The following CNTN4 variants were observed in gnomAD, a reference collection of about 807,000 sequenced individuals.
CNTN4 encodes contactin 4.
In CNTN4, 77 loss-of-function variants were observed where a neutral mutation model predicts 122.5. The observed-to-expected ratio is 0.63, with a 90% CI of 0.52 to 0.76. The LOEUF is 0.76. CNTN4 is among the 30% of genes least tolerant of loss of function. CNTN4 has a pLI of 0.00. For synonymous variants in CNTN4, 512 were observed against 447.0 expected, an observed-to-expected ratio of 1.15 and a Z score of -1.83; for missense variants, 1,256 against 1,259.1, an observed-to-expected ratio of 1.00 and a Z score of 0.04.
At chr3:2,765,152 A>G (rs561133150) in intron 6 of CNTN4, among the ~76,000 whole-genome samples, 1 of 152,354 alleles carries the variant, frequency 6.6e-6, no homozygotes, top group South Asian at 2.1e-4. Flanking sequence ...ACTTGCATCC[A>G]TAGGTGAAAA....
intron 7 of CNTN4, among the ~76,000 whole-genome samples, chr3:2,830,247 A>G (rs1292818197): frequency 1.3e-5 from 2 of 151,152 alleles, no homozygotes; most frequent in African/African-American, 2.5e-5. Context: ...TTGTGGATAC[A>G]CAGATTTCAA....
chr3:2,414,004 C>T (rs1017635264), intron 3 of CNTN4, among the ~76,000 whole-genome samples: 5 of 152,154 alleles, frequency 3.3e-5, no homozygotes, highest in Admixed American at 6.5e-5. Flanking sequence ...TGGTGCCATT[C>T]GTTGAATACC....
chr3:2,621,213 A>G (rs1052655130), intron 4 of CNTN4, among the ~76,000 whole-genome samples: 7 of 152,192 alleles, frequency 4.6e-5, no homozygotes, highest in Admixed American at 1.3e-4. Flanking sequence ...TGTATATGAA[A>G]GTATAACATG....
intron 13 of CNTN4, among the ~76,000 whole-genome samples, chr3:2,944,929 G>A (rs2151539089): frequency 6.6e-6 from 1 of 152,328 alleles, no homozygotes; most frequent in Admixed American, 6.5e-5. Context: ...CTGGAGCTCA[G>A]ATAGCCCTTC....
chr3:3,043,617 C>G lies in CNTN4; in HGVS notation c.2724C>G (p.Ile908Met). ...KPPPSQPPGN[I>M]IWNSSDSKII... is the part of the protein sequence containing the mutation. ...CACCAAGTCAACCCCCCGGAAACAT[C>G]ATATGGAATTCATCAGACTCCAAAA... Residue 908 changes from isoleucine to methionine, a missense_variant, in exon 23 of 25, where the codon ATC (isoleucine) becomes ATG (methionine). Physicochemically the swap from Ile to Met is conservative, Grantham distance 10. Transcript: ENST00000418658. 6.2e-7 allele frequency: 1 copy of G among 1,613,882 alleles called. No individual in the cohort carries two copies.
At chr3:2,934,127 C>T (rs564649849) in intron 13 of CNTN4, among the ~76,000 whole-genome samples, 44 of 152,194 alleles carry the variant, frequency 2.9e-4, no homozygotes, top group African/African-American at 9.9e-4. Flanking sequence ...CTTAACGTTA[C>T]CTTGGGCAGA....
At chr3:2,236,402 G>A (rs1163092435) in intron 2 of CNTN4, among the ~76,000 whole-genome samples, 1 of 152,156 alleles carries the variant, frequency 6.6e-6, no homozygotes, top group Non-Finnish European at 1.5e-5. Flanking sequence ...TCTAAATGAC[G>A]TCATGTGTGT....
At chr3:2,569,211 G>A (rs902220095) in intron 3 of CNTN4, among the ~76,000 whole-genome samples, 1 of 152,154 alleles carries the variant, frequency 6.6e-6, no homozygotes, top group Non-Finnish European at 1.5e-5. Context: ...CTATTTAAGG[G>A]CACAAAAGAA....
At chr3:2,423,959 G>GGATAGC (rs199873006) in intron 3 of CNTN4, among the ~76,000 whole-genome samples, 2 of 39,464 alleles carry the variant, frequency 5.1e-5, no homozygotes, top group Admixed American at 3.9e-4. Flanking sequence ...GGTTTTTTTT[G>GGATAGC]ATTAGGCAAC....
Position 2,571,578 on chromosome 3 carries a change from C to A in CNTN4, c.55+20C>A, listed in dbSNP as rs1296406805. On this transcript the variant is annotated intron_variant, in intron 4 of 24. Transcript: ENST00000418658. Reference sequence around the variant, plus strand: ...TTGCAGGTAGAGTGTCATTTTAAAACTTTTTGATTTAGAAATGCCACTGTA... The same window carrying A: ...TTGCAGGTAGAGTGTCATTTTAAAAATTTTTGATTTAGAAATGCCACTGTA... 6.3e-7 allele frequency: 1 copy of A among 1,593,772 alleles called. No individual in the cohort carries two copies. Among genetic ancestry groups the A allele is most frequent in the Non-Finnish European group, 8.6e-7 (1 of 1,161,570 alleles).
chr3:2,827,543 T>C (rs1328201494), intron 7 of CNTN4, among the ~76,000 whole-genome samples: 1 of 152,264 alleles, frequency 6.6e-6, no homozygotes, highest in Non-Finnish European at 1.5e-5. Flanking sequence ...TGTAGGCAGA[T>C]ACTTTTCGGA....
intron 3 of CNTN4, among the ~76,000 whole-genome samples, chr3:2,496,991 C>T (rs1393002440): frequency 6.6e-6 from 1 of 152,076 alleles, no homozygotes; most frequent in Non-Finnish European, 1.5e-5. Context: ...CAAAATTGCC[C>T]TTCTTCAGCC....
chr3:3,008,797 A>T (rs1696898013), intron 14 of CNTN4, among the ~76,000 whole-genome samples: 1 of 152,120 alleles, frequency 6.6e-6, no homozygotes, highest in South Asian at 2.1e-4. Flanking sequence ...CTTTTAATGC[A>T]ATTTAAAACG....
intron 8 of CNTN4, among the ~76,000 whole-genome samples, chr3:2,881,377 G>T (rs1030522334): frequency 6.6e-6 from 1 of 152,126 alleles, no homozygotes; most frequent in Non-Finnish European, 1.5e-5. Context: ...GCCATGCATG[G>T]TGGCACGTGC....
chr3:2,112,066 G>A (rs1002406881), intron 2 of CNTN4, among the ~76,000 whole-genome samples: 5 of 152,064 alleles, frequency 3.3e-5, no homozygotes, highest in African/African-American at 1.2e-4. Context: ...CTATTACTGC[G>A]AGCCACTGTA....
chr3:2,720,530 C>T (rs1466295038), intron 4 of CNTN4, among the ~76,000 whole-genome samples: 2 of 152,154 alleles, frequency 1.3e-5, no homozygotes, highest in Admixed American at 6.5e-5. Context: ...TGTGCTTGCT[C>T]ACTTTATTAC....
At position 2,333,128 on chromosome 3, in the gene CNTN4, C is replaced by T. The variant is rs2150310735; in HGVS notation, c.-144-6050C>T. On this transcript the variant is annotated intron_variant, in intron 2 of 24. Transcript: ENST00000418658. Reference sequence around the variant, plus strand: ...AAGCTCAGAATCTCAAGTTTCTGGCCTTACAACTGATGAGCAGCATAAGCC... The same window carrying T: ...AAGCTCAGAATCTCAAGTTTCTGGCTTTACAACTGATGAGCAGCATAAGCC... Among the ~76,000 whole-genome samples, 3 of 152,272 alleles carry T rather than the reference C, an allele frequency of 2.0e-5. No individual in the cohort carries two copies. In the South Asian group the frequency reaches 6.2e-4, roughly 32 times the overall value.
intron 7 of CNTN4, among the ~76,000 whole-genome samples, chr3:2,856,901 A>T (rs1350085788): frequency 6.6e-6 from 1 of 152,228 alleles, no homozygotes; most frequent in African/African-American, 2.4e-5. Flanking sequence ...TTGTGTGGGA[A>T]GGAAGGACAT....
intron 3 of CNTN4, among the ~76,000 whole-genome samples, chr3:2,542,403 G>T (rs1167577972): frequency 6.6e-6 from 1 of 152,120 alleles, no homozygotes; most frequent in Non-Finnish European, 1.5e-5. Flanking sequence ...AGCCAAGAGA[G>T]AACAGTATAG....
Sources: allele counts gnomAD v4.1 joint callset (sites outside exome capture counted in the v4.1 genomes callset), GRCh38; gene constraint gnomAD v4.1.1; transcripts MANE v1.5; gene names NCBI Gene and HGNC (gene_info 2026-07-23, HGNC 2026-07-21).